The following TBC1D22A variants were observed in gnomAD, a reference collection of about 807,000 sequenced individuals.
TBC1D22A encodes putative GTPase activator.
A neutral mutation model predicts 60.2 loss-of-function variants in TBC1D22A; 38 were observed. The observed-to-expected ratio is 0.63, with a 90% CI of 0.49 to 0.83. The LOEUF is 0.83. Among genes scored for constraint, TBC1D22A ranks in the 40% least tolerant of loss-of-function variants. The probability of loss-of-function intolerance (pLI) is 0.00; values close to 1 mark genes in which losing one functional copy is unlikely to be tolerated. For missense variants in TBC1D22A, 628 were observed against 701.0 expected, an observed-to-expected ratio of 0.90 and a Z score of 1.18; for synonymous variants, 302 against 281.7, an observed-to-expected ratio of 1.07 and a Z score of -0.72.
intron 3 of TBC1D22A, among the ~76,000 whole-genome samples, chr22:46,794,099 C>T (rs993188043): frequency 9.9e-5 from 15 of 152,202 alleles, no homozygotes; most frequent in South Asian, 2.1e-4. Context: ...GGCCTAGCTA[C>T]GTGCATGTCT....
intron 10 of TBC1D22A, among the ~76,000 whole-genome samples, chr22:47,022,307 T>A (rs1392630344): frequency 6.6e-6 from 1 of 152,124 alleles, no homozygotes; most frequent in African/African-American, 2.4e-5. Flanking sequence ...ATACAGGACA[T>A]AAGGCAGCCG....
chr22:47,038,712 C>T (rs999274873), intron 11 of TBC1D22A, among the ~76,000 whole-genome samples: 3 of 152,210 alleles, frequency 2.0e-5, no homozygotes, highest in Non-Finnish European at 4.4e-5. Flanking sequence ...TCTGACTTTG[C>T]TTTTCCTTTG....
At position 46,762,764 on chromosome 22, in the gene TBC1D22A, G is replaced by T; in HGVS notation, c.-23G>T. On this transcript the variant is annotated 5_prime_UTR_variant, in exon 1 of 13. Transcript: ENST00000337137. ...GTGCACTCGGGGTGTCTGGGCCGCG[G>T]GTCTGAGGGATGAGGAGGGGCCATG... 2 of 1,430,720 alleles carry T rather than the reference G, an allele frequency of 1.4e-6. No individual in the cohort carries two copies. Among genetic ancestry groups the T allele is most frequent in the Non-Finnish European group, 1.8e-6 (2 of 1,097,666 alleles). The allele number at this position is 1,430,720 out of a possible 1,614,324, so 88.6% of individuals were successfully genotyped here. A position where few individuals can be genotyped will look rare whatever the true frequency, so the allele number is the denominator to read the frequency against.
rs79289842 is a variant in TBC1D22A, at chr22:47,083,981, A to T, written c.1330-27527A>T. On this transcript the variant is annotated intron_variant, in intron 11 of 12. Coordinates refer to ENST00000337137, the MANE Select transcript of TBC1D22A (RefSeq NM_014346.5). ...TACAAAATTTTGTGAATTTTGTAAG[A>T]GGCAAAATAGGAGTGATAGTATTTG... Among the ~76,000 whole-genome samples the T allele has an allele frequency of 2.4e-3, 358 of 152,334 alleles. 1 individual carries two copies. The highest frequency in any genetic ancestry group is 8.3e-3 in the African/African-American group (344 of 41,588).
chr22:46,817,771 C>G (rs9626904), intron 4 of TBC1D22A, among the ~76,000 whole-genome samples: 1,551 of 152,200 alleles, frequency 0.01, 24 homozygotes, highest in African/African-American at 0.035. Context: ...GGGTATATAC[C>G]CAGTAATGGG....
chr22:46,896,824 G>A (rs1055283155), intron 7 of TBC1D22A, among the ~76,000 whole-genome samples: 2 of 152,074 alleles, frequency 1.3e-5, no homozygotes, highest in Non-Finnish European at 2.9e-5. Context: ...TTCCACGTAC[G>A]TCTCAGAGTC....
chr22:47,154,382 G>A (rs1253628058), intron 12 of TBC1D22A, among the ~76,000 whole-genome samples: 1 of 152,196 alleles, frequency 6.6e-6, no homozygotes, highest in East Asian at 1.9e-4. Context: ...CTGACTGACC[G>A]TAGCTGCAGC....
chr22:46,892,271 CT>C (rs1290579535), intron 6 of TBC1D22A, among the ~76,000 whole-genome samples: 1 of 148,354 alleles, frequency 6.7e-6, no homozygotes. Context: ...ATAGCCACAT[CT>C]CTTTGTTAGT....
Position 46,932,488 on chromosome 22 carries a change from G to A in TBC1D22A, c.1015+20300G>A, listed in dbSNP as rs536729622. On this transcript the variant is annotated intron_variant, in intron 8 of 12. Coordinates refer to ENST00000337137, the MANE Select transcript of TBC1D22A (RefSeq NM_014346.5). ...GTGTAGGGTTTTTTGGTGGAGTACC[G>A]TTTTCCTCAGGTTTAGGAATAAATG... 4.6e-5 allele frequency among the ~76,000 whole-genome samples: 7 copies of A among 152,254 alleles called. No homozygotes were observed. In the East Asian group the frequency reaches 7.7e-4, roughly 17 times the overall value.
At chr22:46,908,842 G>C (rs1416259568) in intron 7 of TBC1D22A, among the ~76,000 whole-genome samples, 1 of 152,184 alleles carries the variant, frequency 6.6e-6, no homozygotes, top group African/African-American at 2.4e-5. Context: ...TGGTGGTCCT[G>C]ATTTGCCCCG....
intron 1 of TBC1D22A, among the ~76,000 whole-genome samples, chr22:46,767,335 G>A (rs753866332): frequency 1.3e-5 from 2 of 152,196 alleles, no homozygotes; most frequent in Non-Finnish European, 2.9e-5. Context: ...GTTGAGTTTG[G>A]TTTAAGTAGC....
At chr22:47,013,020 G>A (rs1156412267) in intron 10 of TBC1D22A, among the ~76,000 whole-genome samples, 3 of 152,166 alleles carry the variant, frequency 2.0e-5, no homozygotes, top group Non-Finnish European at 4.4e-5. Flanking sequence ...GGGGTGGACC[G>A]GGAGAGGGCT....
chr22:46,773,538 C>T (rs559926674), intron 1 of TBC1D22A, among the ~76,000 whole-genome samples: 1 of 152,270 alleles, frequency 6.6e-6, no homozygotes, highest in African/African-American at 2.4e-5. Flanking sequence ...CATCTCAGCT[C>T]ACTGTAACCT....
intron 8 of TBC1D22A, chr22:46,915,699 C>A (rs1308008348): frequency 2.2e-6 from 1 of 456,742 alleles, no homozygotes; most frequent in Non-Finnish European, 4.4e-6. Flanking sequence ...GCAGACAGAT[C>A]TGTGATGCCT....
At chr22:47,090,765 C>A (rs1193801951) in intron 11 of TBC1D22A, among the ~76,000 whole-genome samples, 2 of 143,554 alleles carry the variant, frequency 1.4e-5, no homozygotes, top group Admixed American at 1.4e-4. Flanking sequence ...TTGATAGAGA[C>A]GGGCACGAGA....
chr22:47,037,264 C>T, intron 11 of TBC1D22A, 66 bp downstream of exon 11: 1 of 1,596,584 alleles, frequency 6.3e-7, no homozygotes, highest in Non-Finnish European at 8.5e-7. Context: ...CTGTCGCCTT[C>T]TGCCCTGGGC....
At chr22:46,981,922 G>C (rs1480982777) in intron 9 of TBC1D22A, among the ~76,000 whole-genome samples, 1 of 152,214 alleles carries the variant, frequency 6.6e-6, no homozygotes, top group Non-Finnish European at 1.5e-5. Flanking sequence ...TTCTTTTCCA[G>C]TGTGCACAGA....
At chr22:46,769,093 C>CAA (rs61105868) in intron 1 of TBC1D22A, among the ~76,000 whole-genome samples, 1,197 of 71,508 alleles carry the variant, frequency 0.017, 40 homozygotes, top group African/African-American at 0.036. Flanking sequence ...GACTCTGTCT[C>CAA]AAAAAAAAAA....
At chr22:47,162,230 A>G (rs1189818958) in intron 12 of TBC1D22A, among the ~76,000 whole-genome samples, 1 of 138,414 alleles carries the variant, frequency 7.2e-6, no homozygotes, top group Non-Finnish European at 1.6e-5. Flanking sequence ...GGTTTTGTGT[A>G]TTGAACTTAC....
Sources: allele counts gnomAD v4.1 joint callset (sites outside exome capture counted in the v4.1 genomes callset), GRCh38; gene constraint gnomAD v4.1.1; transcripts MANE v1.5; gene names NCBI Gene and HGNC (gene_info 2026-07-23, HGNC 2026-07-21).